The following GLRA3 variants were observed in gnomAD, a reference collection of about 807,000 sequenced individuals.
GLRA3 encodes the protein glycine receptor alpha 3, also known as glycine receptor subunit alpha-3.
Under a neutral mutation model 60.4 loss-of-function variants are expected in GLRA3, and 44 were observed. That is an observed-to-expected ratio of 0.73 (90% CI 0.57 to 0.94). The LOEUF (loss-of-function observed/expected upper bound fraction) is 0.94, where lower values mean the gene tolerates loss of function less well. GLRA3 is among the 40% of genes least tolerant of loss of function. The pLI, the probability that GLRA3 is intolerant of heterozygous loss-of-function variation, is 0.00. For synonymous variants in GLRA3, 223 were observed against 192.9 expected (o/e 1.16, Z -1.29); for missense variants, 508 against 564.6 (o/e 0.90, Z 1.02).
intron 5 of GLRA3, among the ~76,000 whole-genome samples, chr4:174,698,111 T>C (rs1045148799): frequency 3.4e-4 from 51 of 152,124 alleles, no homozygotes; most frequent in African/African-American, 1.2e-3. Context: ...TTTAGCAATA[T>C]CTGAAAGTTG....
At chr4:174,730,164 C>G (rs1736498995) in intron 3 of GLRA3, among the ~76,000 whole-genome samples, 1 of 152,164 alleles carries the variant, frequency 6.6e-6, no homozygotes, top group African/African-American at 2.4e-5. Context: ...TCACTCGCCA[C>G]AAGGATCTAC....
At chr4:174,702,815 G>A (rs894633329) in intron 5 of GLRA3, among the ~76,000 whole-genome samples, 1 of 152,096 alleles carries the variant, frequency 6.6e-6, no homozygotes, top group African/African-American at 2.4e-5. Context: ...TGAGCCTCAT[G>A]CTTCTTTAGA....
chr4:174,773,683 G>A (rs1203673391), intron 2 of GLRA3, among the ~76,000 whole-genome samples: 1 of 138,570 alleles, frequency 7.2e-6, no homozygotes, highest in African/African-American at 2.6e-5. Flanking sequence ...CATATTTGAT[G>A]ACTTAAAATC....
intron 3 of GLRA3, among the ~76,000 whole-genome samples, chr4:174,729,761 A>G (rs561949470): frequency 6.6e-6 from 1 of 152,346 alleles, no homozygotes; most frequent in South Asian, 2.1e-4. Flanking sequence ...ACATTATAAG[A>G]CCACTTCATT....
At chr4:174,738,846 T>C (rs946211366) in intron 3 of GLRA3, among the ~76,000 whole-genome samples, 1 of 152,226 alleles carries the variant, frequency 6.6e-6, no homozygotes, top group African/African-American at 2.4e-5. Flanking sequence ...GGCCTTTTGC[T>C]ATCAAAATAA....
intron 3 of GLRA3, among the ~76,000 whole-genome samples, chr4:174,759,096 T>G (rs768451449): frequency 1.5e-4 from 23 of 152,124 alleles, no homozygotes; most frequent in Non-Finnish European, 2.8e-4. Context: ...AATATTCTCT[T>G]TAAAGCCAGG....
chr4:174,778,738 C>G (rs979949212), intron 2 of GLRA3, among the ~76,000 whole-genome samples: 2 of 152,198 alleles, frequency 1.3e-5, no homozygotes, highest in African/African-American at 4.8e-5. Flanking sequence ...CGGGTCACTC[C>G]CACCCGAATA....
intron 3 of GLRA3, among the ~76,000 whole-genome samples, chr4:174,764,518 A>T (rs1456512359): frequency 6.6e-6 from 1 of 150,748 alleles, no homozygotes; most frequent in African/African-American, 2.4e-5. Context: ...TATTCGTATT[A>T]TAAGAACAGA....
In GLRA3 at chr4:174,641,582, A is replaced by G. The variant is rs1276427883; in HGVS notation, c.*2204T>C. On this transcript the variant is annotated 3_prime_UTR_variant, in exon 10 of 10. Coordinates refer to ENST00000274093, the MANE Select transcript of GLRA3 (RefSeq NM_006529.4). ...TTTGAGATAGATTTCTAATGTACCA[A>G]CGTCCTTGTTGACAATATTGTCTCA... is the stretch of plus-strand genomic sequence containing the variant. 6.6e-6 allele frequency: 1 copy of G among 152,088 alleles called. No individual in the cohort carries two copies. Among genetic ancestry groups the G allele is most frequent in the African/African-American group, 2.4e-5 (1 of 41,456 alleles). The allele number at this position is 152,088 out of a possible 1,614,324, so 9.4% of individuals were successfully genotyped here. A position where few individuals can be genotyped will look rare whatever the true frequency, so the allele number is the denominator to read the frequency against.
At chr4:174,762,065 A>G (rs1737962583) in intron 3 of GLRA3, among the ~76,000 whole-genome samples, 2 of 152,222 alleles carry the variant, frequency 1.3e-5, no homozygotes, top group Non-Finnish European at 2.9e-5. Context: ...GAATGAATGC[A>G]TAAACCATGT....
In GLRA3 at chr4:174,643,629, ACTTTG is replaced by A. The variant is rs1732694214; in HGVS notation, c.*152_*156del. On this transcript the variant is annotated 3_prime_UTR_variant, in exon 10 of 10. Coordinates refer to ENST00000274093, the MANE Select transcript of GLRA3 (RefSeq NM_006529.4). ...TTAAAAGAATCTCATCTTTCTCATG[ACTTTG>A]CATAGCTAACCAAAATACAAAGCTT... The A allele has an allele frequency of 7.2e-7, 1 of 1,388,116 alleles. No homozygotes were observed. Among genetic ancestry groups the A allele is most frequent in the African/African-American group, 1.4e-5 (1 of 69,620 alleles). 86.0% of individuals were successfully genotyped at this position (1,388,116 alleles called of 1,614,324 possible).
chr4:174,763,459 T>C (rs185242345), intron 3 of GLRA3, among the ~76,000 whole-genome samples: 8 of 152,336 alleles, frequency 5.3e-5, no homozygotes, highest in African/African-American at 1.9e-4. Flanking sequence ...ATCTTTTCTT[T>C]TGTTCTGTGG....
chr4:174,744,005 T>C (rs1340569855), intron 3 of GLRA3, among the ~76,000 whole-genome samples: 5 of 152,022 alleles, frequency 3.3e-5, no homozygotes, highest in African/African-American at 9.7e-5. Context: ...TGGCTGTGAG[T>C]GGTGACTATG....
chr4:174,804,393 T>C (rs913393691), intron 1 of GLRA3, among the ~76,000 whole-genome samples: 10 of 152,162 alleles, frequency 6.6e-5, no homozygotes, highest in African/African-American at 2.4e-4. Flanking sequence ...GATCATATTA[T>C]GGACATGTAT....
At chr4:174,691,510 CT>C (rs1227107937) in intron 5 of GLRA3, among the ~76,000 whole-genome samples, 1 of 152,228 alleles carries the variant, frequency 6.6e-6, no homozygotes, top group Non-Finnish European at 1.5e-5. Flanking sequence ...CTGCCTCAGC[CT>C]GCCGAGTGCC....
intron 1 of GLRA3, among the ~76,000 whole-genome samples, chr4:174,793,419 C>CATTT (rs776050618): frequency 0.011 from 950 of 89,782 alleles, 11 homozygotes; most frequent in Middle Eastern, 0.014. Context: ...TCAAAATTTA[C>CATTT]ATTCATTTAT....
chr4:174,793,286 C>T (rs569521842), intron 1 of GLRA3, among the ~76,000 whole-genome samples: 23 of 152,056 alleles, frequency 1.5e-4, no homozygotes, highest in African/African-American at 5.5e-4. Context: ...CCTCACAGCT[C>T]CATTCTGGAG....
chr4:174,715,683 ATT>A (rs1735892527), intron 4 of GLRA3, 113 bp from the exon 5 acceptor site: 1 of 551,624 alleles, frequency 1.8e-6, no homozygotes, highest in African/African-American at 1.9e-5. Context: ...TTAAGTAAAA[ATT>A]TCTCCAGCTT....
chr4:174,800,109 C>T (rs1354586083), intron 1 of GLRA3, among the ~76,000 whole-genome samples: 2 of 151,638 alleles, frequency 1.3e-5, no homozygotes, highest in African/African-American at 2.4e-5. Context: ...TTAGGCATAG[C>T]TAAAAAGAGA....
Sources: gnomAD v4.1 joint callset for allele counts (sites outside exome capture counted in the v4.1 genomes callset) on GRCh38, gnomAD v4.1.1 for gene constraint, MANE v1.5 for transcripts, NCBI Gene and HGNC (gene_info 2026-07-23, HGNC 2026-07-21) for gene names.